PEX14: variants seen among roughly 807,000 people sequenced by gnomAD.
The protein encoded by PEX14 is peroxisomal membrane protein PEX14.
In PEX14, 15 loss-of-function variants were observed where a neutral mutation model predicts 49.5. The ratio of observed to expected loss-of-function variants is 0.30; its 90% CI spans 0.20 to 0.47. The LOEUF (loss-of-function observed/expected upper bound fraction) is 0.47. Among genes scored for constraint, PEX14 ranks in the 20% least tolerant of loss-of-function variants. The probability of loss-of-function intolerance (pLI) is 1.00; values close to 1 mark genes in which losing one functional copy is unlikely to be tolerated. For synonymous variants in PEX14, 210 were observed against 212.7 expected (o/e 0.99, Z 0.11); for missense variants, 398 against 494.8 (o/e 0.80, Z 1.86).
chr1:10,606,565 A>G (rs1348413743), intron 4 of PEX14, among the ~76,000 whole-genome samples: 2 of 152,236 alleles, frequency 1.3e-5, no homozygotes, highest in Admixed American at 1.3e-4. Context: ...ACACATGGCT[A>G]GCTTCAGTGG....
At chr1:10,548,908 C>T (rs771347775) in intron 3 of PEX14, among the ~76,000 whole-genome samples, 2 of 152,224 alleles carry the variant, frequency 1.3e-5, no homozygotes, top group African/African-American at 2.4e-5. Context: ...GAACTCTCCC[C>T]TCTCATCAGA....
At chr1:10,499,352 G>A (rs1444164709) in intron 2 of PEX14, among the ~76,000 whole-genome samples, 2 of 151,796 alleles carry the variant, frequency 1.3e-5, no homozygotes, top group East Asian at 3.9e-4. Context: ...CTTGGCCATC[G>A]TCTCTTCCTT....
intron 1 of PEX14, among the ~76,000 whole-genome samples, chr1:10,490,883 T>C (rs1641459172): frequency 6.6e-6 from 1 of 151,998 alleles, no homozygotes; most frequent in East Asian, 1.9e-4. Flanking sequence ...TTGTATTTTT[T>C]AGTAGAGACA....
intron 4 of PEX14, among the ~76,000 whole-genome samples, chr1:10,599,928 G>A (rs1401842042): frequency 6.6e-6 from 1 of 152,020 alleles, no homozygotes; most frequent in Admixed American, 6.5e-5. Context: ...TTAATTATAC[G>A]AGATCATGAC....
chr1:10,625,346 C>T (rs1641713399), intron 7 of PEX14, among the ~76,000 whole-genome samples: 1 of 152,214 alleles, frequency 6.6e-6, no homozygotes, highest in Non-Finnish European at 1.5e-5. Flanking sequence ...GCGGACACTG[C>T]TCCCTGTCTG....
At chr1:10,626,238 T>C (rs1429450758) in intron 7 of PEX14, among the ~76,000 whole-genome samples, 1 of 152,216 alleles carries the variant, frequency 6.6e-6, no homozygotes, top group African/African-American at 2.4e-5. Flanking sequence ...TCTGAGTCCC[T>C]TGTAGGCCAG....
At chr1:10,492,080 C>CT (rs745574184) in intron 1 of PEX14, among the ~76,000 whole-genome samples, 6 of 152,126 alleles carry the variant, frequency 3.9e-5, no homozygotes, top group African/African-American at 9.7e-5. Context: ...GGGAAGCTTT[C>CT]TTTTTTACTT....
chr1:10,484,146 A>T (rs1224107576), intron 1 of PEX14, among the ~76,000 whole-genome samples: 1 of 147,792 alleles, frequency 6.8e-6, no homozygotes, highest in African/African-American at 2.5e-5. Context: ...CCCCTGCCCC[A>T]GCCTTCCAGT....
rs886045018 is a variant in PEX14 at position 10,630,161 on chromosome 1, C to T, written c.*174C>T. 1.2e-5 allele frequency: 12 copies of T among 1,041,350 alleles called. No individual in the cohort carries two copies. Among genetic ancestry groups the T allele is most frequent in the South Asian group, 1.6e-5 (1 of 60,810 alleles). 64.5% of individuals were successfully genotyped at this position (1,041,350 alleles called of 1,614,324 possible). A position where few individuals can be genotyped will look rare whatever the true frequency, so the allele number is the denominator to read the frequency against. ...GTGTGGGGAGTCACACTTCTGTCCA[C>T]CTGGCCTCCTCTCGCCTGGCCGCCA... is the stretch of plus-strand genomic sequence containing the variant. On this transcript the variant is annotated 3_prime_UTR_variant, in exon 9 of 9. Coordinates refer to ENST00000356607, the MANE Select transcript of PEX14 (RefSeq NM_004565.3). The surrounding 1 kb of genome is among the most constrained non-coding windows in gnomAD (Gnocchi z 4.1).
At chr1:10,482,421 C>T (rs544787559) in intron 1 of PEX14, among the ~76,000 whole-genome samples, 30 of 149,554 alleles carry the variant, frequency 2.0e-4, no homozygotes, top group Non-Finnish European at 3.1e-4. Flanking sequence ...TGAGCCCCTG[C>T]GGGTGGCCCA....
chr1:10,496,441 C>G (rs923928880), intron 2 of PEX14, among the ~76,000 whole-genome samples: 3 of 152,194 alleles, frequency 2.0e-5, no homozygotes, highest in Non-Finnish European at 2.9e-5. Context: ...TCTCTCCGGA[C>G]GTCTGCCTGC....
At chr1:10,595,648 A>C (rs962839218) in intron 3 of PEX14, among the ~76,000 whole-genome samples, 1 of 152,208 alleles carries the variant, frequency 6.6e-6, no homozygotes, top group Admixed American at 6.5e-5. Context: ...GACTTAGATG[A>C]ATAGAGGAGG....
intron 2 of PEX14, among the ~76,000 whole-genome samples, chr1:10,500,282 TA>T (rs1433595003): frequency 7.3e-6 from 1 of 137,812 alleles, no homozygotes; most frequent in Non-Finnish European, 1.5e-5. Flanking sequence ...GGCAGGTACC[TA>T]TAATCCTGGC....
Position 10,514,713 on chromosome 1 carries a change from CTT to C in PEX14, c.84+19394_84+19395del, listed in dbSNP as rs1355585246. ...TCTGCTTGAGTTGGAGGTGTTGTCT[CTT>C]TGAGATGTTTGTCTCTCATTTGGAG... is the stretch of plus-strand genomic sequence containing the variant. On this transcript the variant is annotated intron_variant, in intron 2 of 8. Coordinates refer to ENST00000356607, the MANE Select transcript of PEX14 (RefSeq NM_004565.3). This position sits in a 1 kb window ranked among gnomAD's most constrained non-coding sequence, Gnocchi z 4.4. Among the ~76,000 whole-genome samples, 1 of 152,158 alleles carries C rather than the reference CTT, an allele frequency of 6.6e-6. No homozygotes were observed. The highest frequency in any genetic ancestry group is 1.5e-5 in the Non-Finnish European group (1 of 68,032).
Position 10,630,149 on chromosome 1 carries a change from C to A in PEX14, c.*162C>A. ...GGCCTGGTGGCAGTGTGGGGAGTCA[C>A]ACTTCTGTCCACCTGGCCTCCTCTC... is the stretch of plus-strand genomic sequence containing the variant. On this transcript the variant is annotated 3_prime_UTR_variant, in exon 9 of 9. Coordinates refer to ENST00000356607, the MANE Select transcript of PEX14 (RefSeq NM_004565.3). The surrounding 1 kb of genome is among the most constrained non-coding windows in gnomAD (Gnocchi z 4.1). 1 of 1,126,126 alleles carries A rather than the reference C, an allele frequency of 8.9e-7. No individual in the cohort carries two copies. Among genetic ancestry groups the A allele is most frequent in the Non-Finnish European group, 1.2e-6 (1 of 808,654 alleles). 69.8% of individuals were successfully genotyped at this position (1,126,126 alleles called of 1,614,324 possible).
At chr1:10,508,220 T>G (rs2506880) in intron 2 of PEX14, among the ~76,000 whole-genome samples, 41,724 of 152,086 alleles carry the variant, frequency 0.27, 6,132 homozygotes, top group Admixed American at 0.37. Flanking sequence ...TTTTGTTTTT[T>G]TTTTGAGACG....
intron 2 of PEX14, among the ~76,000 whole-genome samples, chr1:10,506,211 T>C (rs1641779997): frequency 6.6e-6 from 1 of 152,164 alleles, no homozygotes; most frequent in Admixed American, 6.5e-5. Context: ...GTCCTTGTAT[T>C]AAACATGATG....
intron 5 of PEX14, among the ~76,000 whole-genome samples, chr1:10,621,237 T>A (rs1333898342): frequency 6.6e-6 from 1 of 151,582 alleles, no homozygotes; most frequent in Admixed American, 6.6e-5. Flanking sequence ...ACTGGCTTTA[T>A]AAGCACGTGA....
At chr1:10,571,809 A>AAAAAC (rs1231917669) in intron 3 of PEX14, among the ~76,000 whole-genome samples, 2 of 152,190 alleles carry the variant, frequency 1.3e-5, no homozygotes, top group African/African-American at 2.4e-5. Flanking sequence ...GCTCTGTCTC[A>AAAAAC]AAAACAAAAC....
Sources: allele counts gnomAD v4.1 joint callset (sites outside exome capture counted in the v4.1 genomes callset), GRCh38; gene constraint gnomAD v4.1.1; non-coding constraint Gnocchi (gnomAD v3.1); transcripts MANE v1.5; gene names NCBI Gene and HGNC (gene_info 2026-07-23, HGNC 2026-07-21).